FRY: variants seen among roughly 807,000 people sequenced by gnomAD.
FRY encodes protein furry homolog.
In FRY, 128 loss-of-function variants were observed where a neutral mutation model predicts 348.4. The observed-to-expected ratio is 0.37, with a 90% CI of 0.32 to 0.43. FRY has a LOEUF of 0.43. Ranked by LOEUF, FRY falls within the 20% of genes least tolerant of loss-of-function variation. The probability of loss-of-function intolerance (pLI) is 1.00; values close to 1 mark genes in which losing one functional copy is unlikely to be tolerated. For synonymous variants in FRY, 1,370 were observed against 1,374.7 expected (o/e 1.00, Z 0.08); for missense variants, 2,736 against 3,695.2 (o/e 0.74, Z 6.73).
chr13:32,202,279 T>C, intron 30 of FRY, 77 bp from the exon 31 acceptor site: 1 of 1,155,268 alleles, frequency 8.7e-7, no homozygotes, highest in Non-Finnish European at 1.3e-6. Flanking sequence ...CTTCTAACCT[T>C]TGTTAAATAC....
intron 55 of FRY, among the ~76,000 whole-genome samples, chr13:32,271,700 T>A (rs1487692100): frequency 1.3e-5 from 2 of 152,182 alleles, no homozygotes; most frequent in Non-Finnish European, 2.9e-5. Flanking sequence ...CCATCCAATG[T>A]CCTCGCAGAA....
At chr13:32,281,397 A>G (rs1224785507) in intron 58 of FRY, among the ~76,000 whole-genome samples, 1 of 152,202 alleles carries the variant, frequency 6.6e-6, no homozygotes, top group Non-Finnish European at 1.5e-5. Context: ...ACATGGGAAA[A>G]CACTCAAGAA....
chr13:32,255,574 A>G (rs556308764), intron 51 of FRY, among the ~76,000 whole-genome samples: 85 of 152,310 alleles, frequency 5.6e-4, no homozygotes, highest in African/African-American at 2.0e-3. Context: ...AGTTGAGCAG[A>G]TCCGGTCCGT....
At chr13:32,043,417 C>T (rs1277175282) in intron 1 of FRY, among the ~76,000 whole-genome samples, 1 of 152,182 alleles carries the variant, frequency 6.6e-6, no homozygotes, top group East Asian at 1.9e-4. Context: ...TTTATAAGCA[C>T]TTATGAAGTG....
At position 32,145,533 on chromosome 13, in the gene FRY, T is replaced by G. The variant is rs12583027; in HGVS notation, c.1180-1749T>G. On this transcript the variant is annotated intron_variant, in intron 11 of 60. Transcript: ENST00000542859. ...CCCCTCTCTGACTGATTTGTTTTTTTTTTTTTTTTTTTTTTTTTTTTTGAG... is the reference window on the plus strand; with the variant it reads ...CCCCTCTCTGACTGATTTGTTTTTTGTTTTTTTTTTTTTTTTTTTTTTGAG... Among the ~76,000 whole-genome samples the G allele has an allele frequency of 1.9e-3, 159 of 81,686 alleles. 2 individuals carry two copies. Among genetic ancestry groups the G allele is most frequent in the East Asian group, 9.4e-3 (12 of 1,280 alleles). 53.6% of individuals were successfully genotyped at this position (81,686 alleles called of 152,430 possible). A position where few individuals can be genotyped will look rare whatever the true frequency, so the allele number is the denominator to read the frequency against.
intron 2 of FRY, among the ~76,000 whole-genome samples, chr13:32,083,671 T>C (rs1253013393): frequency 6.6e-6 from 1 of 152,178 alleles, no homozygotes; most frequent in Non-Finnish European, 1.5e-5. Context: ...CAACTGTATA[T>C]CTCAAACTTG....
intron 35 of FRY, among the ~76,000 whole-genome samples, chr13:32,214,759 T>C (rs1884886220): frequency 1.3e-5 from 2 of 152,180 alleles, no homozygotes; most frequent in South Asian, 4.1e-4. Context: ...ACAGTCCTTA[T>C]AGGCAAAGAG....
chr13:32,113,531 A>T (rs1593627428), intron 3 of FRY, among the ~76,000 whole-genome samples: 1 of 152,248 alleles, frequency 6.6e-6, no homozygotes, highest in East Asian at 1.9e-4. Flanking sequence ...CAAAAAAGAA[A>T]ACACAAGTAT....
intron 39 of FRY, 60 bp downstream of exon 39, chr13:32,226,034 G>T: frequency 6.7e-7 from 1 of 1,486,068 alleles, no homozygotes; most frequent in Non-Finnish European, 9.4e-7. Flanking sequence ...ATAACTAACT[G>T]CGGGTGCCAG....
chr13:32,177,893 G>GT (rs1882464975), intron 20 of FRY, among the ~76,000 whole-genome samples: 1 of 152,212 alleles, frequency 6.6e-6, no homozygotes, highest in Non-Finnish European at 1.5e-5. Flanking sequence ...TTAGTGAACA[G>GT]TTTCTGTGTA....
chr13:32,189,476 A>G (rs1426513849), intron 28 of FRY, among the ~76,000 whole-genome samples: 1 of 152,106 alleles, frequency 6.6e-6, no homozygotes. Flanking sequence ...ATAGACTATC[A>G]AACTCAAAAA....
At chr13:32,071,324 A>C (rs866539607) in intron 1 of FRY, among the ~76,000 whole-genome samples, 3 of 152,250 alleles carry the variant, frequency 2.0e-5, no homozygotes, top group African/African-American at 7.2e-5. Flanking sequence ...TTTCATGGAT[A>C]TTGATTCTTC....
In FRY at chr13:32,147,818, CTT is replaced by C; in HGVS notation, c.1284-18_1284-17del. On this transcript the variant is annotated intron_variant, in intron 12 of 60. Transcript: ENST00000542859. ...GCTCAGCCAATCTTGCTTGTTTTCT[CTT>C]TTCCCCCTTATCTTTCAGCCGACTT... The C allele has an allele frequency of 7.2e-7, 1 of 1,395,126 alleles. No individual in the cohort carries two copies. The highest frequency in any genetic ancestry group is 1.0e-6 in the Non-Finnish European group (1 of 979,820). 86.4% of individuals were successfully genotyped at this position (1,395,126 alleles called of 1,614,324 possible).
rs114109857 is a variant in FRY at position 32,197,470 on chromosome 13, G to A, written c.3746+3173G>A. On this transcript the variant is annotated intron_variant, in intron 29 of 60. Transcript: ENST00000542859. ...ATCTGGAGTATTTCAGGAGAGCAGA[G>A]TTGGGAATCTGGGCTCCAGAAACAT... 6.2e-3 allele frequency among the ~76,000 whole-genome samples: 946 copies of A among 152,298 alleles called. 13 individuals carry two copies. Among genetic ancestry groups the A allele is most frequent in the African/African-American group, 0.022 (921 of 41,552 alleles).
At chr13:32,166,287 A>T (rs984835293) in intron 17 of FRY, among the ~76,000 whole-genome samples, 1 of 152,206 alleles carries the variant, frequency 6.6e-6, no homozygotes, top group Non-Finnish European at 1.5e-5. Flanking sequence ...CTCAAAGGAC[A>T]GTTTTTAAAA....
chr13:32,279,416 G>A (rs945214591), intron 58 of FRY, among the ~76,000 whole-genome samples: 3 of 152,262 alleles, frequency 2.0e-5, no homozygotes, highest in Non-Finnish European at 2.9e-5. Context: ...CGAAAGCCCT[G>A]TGGAGAAAAG....
intron 3 of FRY, among the ~76,000 whole-genome samples, chr13:32,103,200 G>A (rs1877278690): frequency 6.6e-6 from 1 of 152,246 alleles, no homozygotes. Flanking sequence ...GAAGGCTGGT[G>A]AAATGGAAGA....
intron 1 of FRY, among the ~76,000 whole-genome samples, chr13:32,069,570 A>C (rs1328698049): frequency 6.6e-6 from 1 of 152,174 alleles, no homozygotes; most frequent in African/African-American, 2.4e-5. Context: ...GGATACAGAA[A>C]CTGTGGTATA....
intron 36 of FRY, among the ~76,000 whole-genome samples, chr13:32,220,135 A>G (rs1174868175): frequency 6.6e-6 from 1 of 152,246 alleles, no homozygotes; most frequent in Non-Finnish European, 1.5e-5. Flanking sequence ...TTGTAAATAT[A>G]CTGACATTTC....
Sources: allele counts gnomAD v4.1 joint callset (sites outside exome capture counted in the v4.1 genomes callset), GRCh38; gene constraint gnomAD v4.1.1; transcripts MANE v1.5; gene names NCBI Gene and HGNC (gene_info 2026-07-23, HGNC 2026-07-21).